The following SNED1 variants were observed in gnomAD, a reference collection of about 807,000 sequenced individuals.
SNED1 encodes sushi, nidogen and EGF-like domain-containing protein 1.
Under a neutral mutation model 166.7 loss-of-function variants are expected in SNED1, and 81 were observed. The observed-to-expected ratio is 0.49, with a 90% CI of 0.41 to 0.58. The LOEUF (loss-of-function observed/expected upper bound fraction) is 0.58, where lower values mean the gene tolerates loss of function less well. Among genes scored for constraint, SNED1 ranks in the 20% least tolerant of loss-of-function variants. SNED1 has a pLI of 0.00. For synonymous variants in SNED1, 762 were observed against 822.0 expected (o/e 0.93, Z 1.25); for missense variants, 1,604 against 2,000.2 (o/e 0.80, Z 3.78).
At chr2:241,059,140 T>A (rs1559278223) in intron 16 of SNED1, among the ~76,000 whole-genome samples, 1 of 152,170 alleles carries the variant, frequency 6.6e-6, no homozygotes, top group Admixed American at 6.5e-5. Flanking sequence ...GGCCAATGTA[T>A]CTGACAACTT....
chr2:241,071,927 C>G, intron 26 of SNED1, 49 bp downstream of exon 26: 1 of 1,409,282 alleles, frequency 7.1e-7, no homozygotes, highest in Non-Finnish European at 9.8e-7. Context: ...CCCTCGTCCT[C>G]ACTGCCACTC....
intron 6 of SNED1, 55 bp from the exon 7 acceptor site, chr2:241,040,020 C>T: frequency 7.2e-7 from 1 of 1,382,158 alleles, no homozygotes; most frequent in Non-Finnish European, 1.0e-6. Context: ...GTTTCTGTCC[C>T]CTCAGGTAAC....
intron 27 of SNED1, among the ~76,000 whole-genome samples, chr2:241,081,333 G>A (rs2063317408): frequency 6.6e-6 from 1 of 152,166 alleles, no homozygotes; most frequent in African/African-American, 2.4e-5. Context: ...GTCGGGGTGG[G>A]GAGGGGCCAC....
chr2:241,085,132 T>C (rs758109173), intron 29 of SNED1, among the ~76,000 whole-genome samples: 9 of 152,224 alleles, frequency 5.9e-5, no homozygotes, highest in Non-Finnish European at 4.4e-5. Context: ...TTTAAGCTTC[T>C]TGTATTTCTG....
At position 241,094,292 on chromosome 2, in the gene SNED1, T is replaced by C; in HGVS notation, c.*2656T>C. 1 of 469,458 alleles carries C rather than the reference T, an allele frequency of 2.1e-6. No homozygotes were observed. Among genetic ancestry groups the C allele is most frequent in the South Asian group, 1.6e-5 (1 of 64,486 alleles). The allele number at this position is 469,458 out of a possible 1,614,324, so 29.1% of individuals were successfully genotyped here. A position where few individuals can be genotyped will look rare whatever the true frequency, so the allele number is the denominator to read the frequency against. Reference sequence around the variant, plus strand: ...ATCAGCTCACCTCCTGCACCTCCCCTTAGCAGGAACTCCTTCCACTGGCAA... The same window carrying C: ...ATCAGCTCACCTCCTGCACCTCCCCCTAGCAGGAACTCCTTCCACTGGCAA... On this transcript the variant is annotated 3_prime_UTR_variant, in exon 32 of 32. Transcript: ENST00000310397. The surrounding 1 kb of genome is among the most constrained non-coding windows in gnomAD (Gnocchi z 4.3).
intron 1 of SNED1, among the ~76,000 whole-genome samples, chr2:241,021,037 C>T (rs2060756784): frequency 6.6e-6 from 1 of 152,176 alleles, no homozygotes; most frequent in African/African-American, 2.4e-5. Flanking sequence ...CACTGCAACC[C>T]CCTCGCTTTA....
chr2:241,094,534 G>A lies in SNED1; in HGVS notation c.*2898G>A, dbSNP rs763420059. On this transcript the variant is annotated 3_prime_UTR_variant, in exon 32 of 32. Transcript: ENST00000310397. This position sits in a 1 kb window ranked among gnomAD's most constrained non-coding sequence, Gnocchi z 4.3. ...TCCAGTGCATAGGGGAAAGGAACCCGGCTGAAAAACCAGCTCCTTATTTTT... is the reference window on the plus strand; with the variant it reads ...TCCAGTGCATAGGGGAAAGGAACCCAGCTGAAAAACCAGCTCCTTATTTTT... 11 of 372,420 alleles carry A rather than the reference G, an allele frequency of 3.0e-5. No homozygotes were observed. The highest frequency in any genetic ancestry group is 8.6e-5 in the African/African-American group (4 of 46,388). 23.1% of individuals were successfully genotyped at this position (372,420 alleles called of 1,614,324 possible). A position where few individuals can be genotyped will look rare whatever the true frequency, so the allele number is the denominator to read the frequency against.
intron 16 of SNED1, among the ~76,000 whole-genome samples, chr2:241,058,420 G>A (rs569589940): frequency 1.3e-5 from 2 of 152,144 alleles, no homozygotes; most frequent in South Asian, 4.1e-4. Context: ...AAAGTAGAAG[G>A]AAAGAGGAAT....
At chr2:241,009,706 T>C (rs1227684421) in intron 1 of SNED1, among the ~76,000 whole-genome samples, 1 of 152,072 alleles carries the variant, frequency 6.6e-6, no homozygotes, top group Non-Finnish European at 1.5e-5. Context: ...GCAGCTCAGA[T>C]GTCCCCTCCT....
At chr2:241,055,290 A>G (rs2062010236) in intron 16 of SNED1, among the ~76,000 whole-genome samples, 1 of 152,212 alleles carries the variant, frequency 6.6e-6, no homozygotes, top group South Asian at 2.1e-4. Flanking sequence ...AGAACGTCAG[A>G]CAGGAGCAAA....
intron 1 of SNED1, 144 bp from the exon 2 acceptor site, chr2:241,030,140 G>T (rs370944592): frequency 3.5e-5 from 25 of 719,158 alleles, no homozygotes; most frequent in East Asian, 1.4e-4. Flanking sequence ...GGGACGGGGG[G>T]CTGTCAGGCC....
chr2:241,088,200 A>G (rs898795253), intron 30 of SNED1, 165 bp from the exon 31 acceptor site: 19 of 612,972 alleles, frequency 3.1e-5, no homozygotes, highest in Non-Finnish European at 3.0e-6. Context: ...CACACAAACT[A>G]AAATGCTAAT....
chr2:241,063,480 G>C (rs2062308899), intron 17 of SNED1, 107 bp from the exon 18 acceptor site: 2 of 774,482 alleles, frequency 2.6e-6, no homozygotes, highest in Admixed American at 2.0e-5. Flanking sequence ...GTTGCTCCCA[G>C]CTGGGAAAGG....
chr2:241,034,586 G>T lies in SNED1; in HGVS notation c.661G>T (p.Asp221Tyr). Residue 221 changes from aspartate (D) to tyrosine (Y), a missense_variant, in exon 4 of 32, where the codon GAT becomes TAT. Coordinates refer to ENST00000310397, the MANE Select transcript of SNED1 (RefSeq NM_001080437.3). ...CCCCCAGGCTGGCTTCAACGCAGGC[G>T]ATGGGCAGCGTTACTTCAGTATCCC... ...IAAQAGFNAG[D>Y]GQRYFSIPGS... 1 of 1,605,186 alleles carries T rather than the reference G, an allele frequency of 6.2e-7. No homozygotes were observed. The highest frequency in any genetic ancestry group is 8.5e-7 in the Non-Finnish European group (1 of 1,174,852).
Position 241,067,822 on chromosome 2 carries a change from G to A in SNED1, c.3069G>A (p.Val1023=), listed in dbSNP as rs1443330719. 6.2e-7 allele frequency: 1 copy of A among 1,613,570 alleles called. No individual in the cohort carries two copies. ...ATGTGACGGCTAGCACCATCTCAGT[G>A]CAGTGGGCCCTGCACAGGATCCGCC... The part of the protein sequence containing the change: ...VTNVTASTIS[V]QWALHRIRHA... The change falls in exon 22 of 32, where the codon GTG becomes GTA. Residue 1023 remains valine (V), a synonymous_variant. Transcript: ENST00000310397.
At chr2:241,070,423 AAGCAC>A in intron 24 of SNED1, among the ~76,000 whole-genome samples, 1 of 152,366 alleles carries the variant, frequency 6.6e-6, no homozygotes, top group African/African-American at 2.4e-5. Context: ...CTGGAATAAT[AAGCAC>A]ATTGAGCCTC....
At chr2:241,007,906 A>G (rs2060268163) in intron 1 of SNED1, among the ~76,000 whole-genome samples, 1 of 152,180 alleles carries the variant, frequency 6.6e-6, no homozygotes, top group Non-Finnish European at 1.5e-5. Flanking sequence ...GCCTTCGTGC[A>G]GGCCTCCCTC....
chr2:240,999,147 C>A lies in SNED1; in HGVS notation c.213+97C>A. On this transcript the variant is annotated intron_variant, in intron 1 of 31. Coordinates refer to ENST00000310397, the MANE Select transcript of SNED1 (RefSeq NM_001080437.3). The surrounding 1 kb of genome is among the most constrained non-coding windows in gnomAD (Gnocchi z 5.8). ...CCGGACTCCCGCCGCCGCCGCCAGCCACTTGGCACCGGGGCGGCCCGAGGT... is the reference window on the plus strand; with the variant it reads ...CCGGACTCCCGCCGCCGCCGCCAGCAACTTGGCACCGGGGCGGCCCGAGGT... 1 of 704,344 alleles carries A rather than the reference C, an allele frequency of 1.4e-6. No individual in the cohort carries two copies. Among genetic ancestry groups the A allele is most frequent in the South Asian group, 6.2e-5 (1 of 16,246 alleles). 43.6% of individuals were successfully genotyped at this position (704,344 alleles called of 1,614,324 possible). A position where few individuals can be genotyped will look rare whatever the true frequency, so the allele number is the denominator to read the frequency against.
rs2061484785 is a variant in SNED1 at position 241,040,146 on chromosome 2, T to A, written c.1117T>A (p.Cys373Ser). The A allele has an allele frequency of 6.2e-7, 1 of 1,602,550 alleles. No homozygotes were observed. The highest frequency in any genetic ancestry group is 1.3e-5 in the African/African-American group (1 of 74,680). The change falls in exon 7 of 32, where the codon TGT (cysteine) becomes AGT (serine). Residue 373 changes from cysteine to serine, a missense_variant. Physicochemically the swap from Cys to Ser is moderately radical, Grantham distance 112. Transcript: ENST00000310397. ...QCQVENGSAV[C>S]VCQAGYTGAA... ...CCAGGTGGAGAATGGCTCTGCGGTG[T>A]GTGTGTGCCAGGCCGGATACACCGG...
Sources: allele counts gnomAD v4.1 joint callset (sites outside exome capture counted in the v4.1 genomes callset), GRCh38; gene constraint gnomAD v4.1.1; non-coding constraint Gnocchi (gnomAD v3.1); transcripts MANE v1.5; gene names NCBI Gene and HGNC (gene_info 2026-07-23, HGNC 2026-07-21).